Variants in PALM2AKAP2 observed in about 807,000 individuals in gnomAD.
PALM2AKAP2 encodes the protein PALM2 and AKAP2 fusion.
PALM2AKAP2 carries 37 observed loss-of-function variants against 71.5 expected under a neutral mutation model. The observed-to-expected ratio is 0.52, with a 90% confidence interval of 0.40 to 0.68. The LOEUF (loss-of-function observed/expected upper bound fraction) is 0.68, where lower values mean the gene tolerates loss of function less well. Among genes scored for constraint, PALM2AKAP2 ranks in the 30% least tolerant of loss-of-function variants. PALM2AKAP2 has a pLI of 0.00. For synonymous variants in PALM2AKAP2, 468 were observed against 478.8 expected, an observed-to-expected ratio of 0.98 and a Z score of 0.29; for missense variants, 1,224 against 1,191.8, an observed-to-expected ratio of 1.03 and a Z score of -0.40.
At position 110,021,710 on chromosome 9, in the gene PALM2AKAP2, T is replaced by C. The variant is rs150096873; in HGVS notation, c.582+5671T>C. Among the ~76,000 whole-genome samples, 774 of 151,784 alleles carry C rather than the reference T, an allele frequency of 5.1e-3. 3 individuals carry two copies. Among genetic ancestry groups the C allele is most frequent in the Admixed American group, 0.013 (204 of 15,168 alleles). ...GAATAGCTTCTATTTTATATCCTAT[T>C]CTGTTTTGTTGCTTGTCCAGACATT... On this transcript the variant is annotated intron_variant, in intron 7 of 9. Transcript: ENST00000302798.
At chr9:109,836,245 G>A (rs1773708) in intron 1 of PALM2AKAP2, among the ~76,000 whole-genome samples, 1 of 152,094 alleles carries the variant, frequency 6.6e-6, no homozygotes, top group Middle Eastern at 3.4e-3. Context: ...CTGCAGCCTC[G>A]GCTGCTGATA....
intron 1 of PALM2AKAP2, among the ~76,000 whole-genome samples, chr9:109,862,572 C>T (rs1829341790): frequency 1.3e-5 from 2 of 152,202 alleles, no homozygotes; most frequent in South Asian, 2.1e-4. Flanking sequence ...GTTCACTTAG[C>T]TATCCCTTGG....
chr9:110,061,476 T>C (rs887284709), intron 1 of PALM2AKAP2, among the ~76,000 whole-genome samples: 1 of 152,060 alleles, frequency 6.6e-6, no homozygotes, highest in Non-Finnish European at 1.5e-5. Flanking sequence ...ACAGATACTC[T>C]GTTATAAAAG....
chr9:109,715,134 C>T (rs1450424781), intron 1 of PALM2AKAP2, among the ~76,000 whole-genome samples: 1 of 152,196 alleles, frequency 6.6e-6, no homozygotes, highest in Non-Finnish European at 1.5e-5. Flanking sequence ...ATAATAATAG[C>T]TGTCTGCTGT....
intron 6 of PALM2AKAP2, chr9:109,943,655 T>A (rs1831431004): frequency 1.9e-6 from 1 of 538,950 alleles, no homozygotes; most frequent in Non-Finnish European, 3.2e-6. Context: ...AAACCTTTCC[T>A]TGTGTCTTCA....
At chr9:109,984,417 T>C (rs2132209921) in intron 6 of PALM2AKAP2, among the ~76,000 whole-genome samples, 1 of 152,148 alleles carries the variant, frequency 6.6e-6, no homozygotes, top group East Asian at 1.9e-4. Flanking sequence ...CAGTATTGTG[T>C]GAAGCTGAGG....
At chr9:109,728,501 C>A (rs909183920) in intron 1 of PALM2AKAP2, among the ~76,000 whole-genome samples, 10 of 152,200 alleles carry the variant, frequency 6.6e-5, no homozygotes, top group African/African-American at 2.2e-4. Flanking sequence ...AGCAAGTGAG[C>A]CCTAAAATCA....
intron 3 of PALM2AKAP2, among the ~76,000 whole-genome samples, chr9:109,918,972 G>A (rs909043743): frequency 2.0e-5 from 3 of 152,046 alleles, no homozygotes; most frequent in South Asian, 2.1e-4. Flanking sequence ...ACCATATAGC[G>A]CAGAGCCTTG....
At chr9:109,900,019 G>A (rs565196849) in intron 3 of PALM2AKAP2, among the ~76,000 whole-genome samples, 1 of 152,278 alleles carries the variant, frequency 6.6e-6, no homozygotes, top group South Asian at 2.1e-4. Flanking sequence ...TACACTGCCA[G>A]GCTCAATGGG....
intron 3 of PALM2AKAP2, among the ~76,000 whole-genome samples, chr9:109,913,582 A>G (rs1055449096): frequency 2.0e-5 from 3 of 151,976 alleles, no homozygotes; most frequent in Admixed American, 1.3e-4. Flanking sequence ...CTGCTGAGTC[A>G]TGGATAAGAC....
intron 6 of PALM2AKAP2, among the ~76,000 whole-genome samples, chr9:109,941,558 G>GAA (rs1441138849): frequency 1.3e-5 from 2 of 152,234 alleles, no homozygotes; most frequent in East Asian, 3.8e-4. Flanking sequence ...TTTGATAGAA[G>GAA]AAGCTGGAGT....
At chr9:110,153,137 G>A (rs1836365309) in intron 2 of PALM2AKAP2, among the ~76,000 whole-genome samples, 1 of 152,140 alleles carries the variant, frequency 6.6e-6, no homozygotes, top group African/African-American at 2.4e-5. Context: ...CTTGCTCAAG[G>A]GATGAAATCA....
intron 1 of PALM2AKAP2, among the ~76,000 whole-genome samples, chr9:109,842,671 A>G (rs1232336854): frequency 3.7e-5 from 3 of 81,432 alleles, no homozygotes; most frequent in African/African-American, 2.2e-4. Context: ...GTAAGATGTG[A>G]AAAAAAAAAC....
chr9:109,780,384 C>T (rs1829421632), upstream of PALM2AKAP2: 1 of 1,604,526 alleles, frequency 6.2e-7, no homozygotes, highest in Non-Finnish European at 8.5e-7. Flanking sequence ...TGGGCGTTCT[C>T]CCGGGTTCTA....
At chr9:109,743,872 A>C (rs888821463) in intron 1 of PALM2AKAP2, among the ~76,000 whole-genome samples, 2 of 152,208 alleles carry the variant, frequency 1.3e-5, no homozygotes, top group African/African-American at 4.8e-5. Context: ...GAACTCAGTG[A>C]ATGAATAAAG....
intron 1 of PALM2AKAP2, among the ~76,000 whole-genome samples, chr9:109,828,555 T>C (rs956005015): frequency 6.6e-6 from 1 of 152,238 alleles, no homozygotes; most frequent in Non-Finnish European, 1.5e-5. Context: ...TTCCTGCCCA[T>C]CTGCTCTCTC....
chr9:109,843,527 A>T (rs1828767170), intron 1 of PALM2AKAP2, among the ~76,000 whole-genome samples: 1 of 152,150 alleles, frequency 6.6e-6, no homozygotes, highest in Non-Finnish European at 1.5e-5. Context: ...GAATATATAT[A>T]TATACACACA....
chr9:109,799,572 C>T (rs984955851), intron 1 of PALM2AKAP2, among the ~76,000 whole-genome samples: 1 of 152,198 alleles, frequency 6.6e-6, no homozygotes, highest in African/African-American at 2.4e-5. Flanking sequence ...TTACTCACTG[C>T]AGTCTTGACC....
At position 109,835,535 on chromosome 9, in the gene PALM2AKAP2, G is replaced by A. The variant is rs187103217; in HGVS notation, c.46-31956G>A. Among the ~76,000 whole-genome samples, 173 of 152,282 alleles carry A rather than the reference G, an allele frequency of 1.1e-3. 1 individual carries two copies. The highest frequency in any genetic ancestry group is 1.9e-3 in the Non-Finnish European group (129 of 68,010). ...TGGGGCTTGTCGGACAGTGGGTGCA[G>A]GACAGGGGGTGCAGCACATTGAGCA... is the stretch of plus-strand genomic sequence containing the variant. On this transcript the variant is annotated intron_variant, in intron 1 of 9. Transcript: ENST00000302798.
Sources: allele counts gnomAD v4.1 joint callset (sites outside exome capture counted in the v4.1 genomes callset), GRCh38; gene constraint gnomAD v4.1.1; transcripts MANE v1.5; gene names NCBI Gene and HGNC (gene_info 2026-07-23, HGNC 2026-07-21).